Variants in SORCS2 observed in about 807,000 individuals in gnomAD.
SORCS2 encodes sortilin related VPS10 domain containing receptor 2.
Under a neutral mutation model 141.6 loss-of-function variants are expected in SORCS2, and 100 were observed. The observed-to-expected ratio is 0.71, with a 90% CI of 0.60 to 0.83. SORCS2 has a LOEUF of 0.83. Ranked by LOEUF, SORCS2 falls within the 40% of genes least tolerant of loss-of-function variation. The pLI, the probability that SORCS2 is intolerant of heterozygous loss-of-function variation, is 0.00. For missense variants in SORCS2, 1,646 were observed against 1,560.2 expected, an observed-to-expected ratio of 1.05 and a Z score of -0.93; for synonymous variants, 789 against 676.9, an observed-to-expected ratio of 1.17 and a Z score of -2.57.
At chr4:7,578,530 A>C (rs796936421) in intron 3 of SORCS2, among the ~76,000 whole-genome samples, 9 of 152,360 alleles carry the variant, frequency 5.9e-5, no homozygotes, top group African/African-American at 2.2e-4. Context: ...TTGTCCTGCT[A>C]AGCCTGAGCC....
intron 3 of SORCS2, among the ~76,000 whole-genome samples, chr4:7,619,855 G>A (rs1174129900): frequency 6.6e-6 from 1 of 152,174 alleles, no homozygotes; most frequent in African/African-American, 2.4e-5. Flanking sequence ...GTGTTCATGC[G>A]TGTGTGACGT....
chr4:7,310,957 G>T (rs951262761), intron 1 of SORCS2, among the ~76,000 whole-genome samples: 2 of 152,138 alleles, frequency 1.3e-5, no homozygotes, highest in African/African-American at 4.8e-5. Context: ...AATAAATCAC[G>T]CAGATTCAAA....
chr4:7,485,493 A>G (rs115018287), intron 2 of SORCS2, among the ~76,000 whole-genome samples: 1,713 of 152,314 alleles, frequency 0.011, 9 homozygotes, highest in Non-Finnish European at 0.017. Context: ...GCCGGGCCTC[A>G]TGTCTGCCTT....
intron 2 of SORCS2, among the ~76,000 whole-genome samples, chr4:7,459,327 C>T (rs1729138139): frequency 1.3e-5 from 2 of 152,150 alleles, no homozygotes; most frequent in African/African-American, 4.8e-5. Context: ...AAGCATATGG[C>T]AGGCCTTGTA....
At chr4:7,467,749 G>A (rs1418195405) in intron 2 of SORCS2, among the ~76,000 whole-genome samples, 1 of 152,216 alleles carries the variant, frequency 6.6e-6, no homozygotes, top group Non-Finnish European at 1.5e-5. Flanking sequence ...GCCACAAAAT[G>A]AGGGGCTGCA....
chr4:7,338,170 TG>T (rs56089742), intron 1 of SORCS2, among the ~76,000 whole-genome samples: 1 of 122,514 alleles, frequency 8.2e-6, no homozygotes, highest in Non-Finnish European at 1.7e-5. Context: ...GTTGGATGGA[TG>T]GATGGATGGA....
intron 1 of SORCS2, among the ~76,000 whole-genome samples, chr4:7,371,103 A>C (rs1722217767): frequency 6.6e-6 from 1 of 152,212 alleles, no homozygotes; most frequent in East Asian, 1.9e-4. Flanking sequence ...TGTAGAGTGA[A>C]GGGAGCACTT....
intron 1 of SORCS2, among the ~76,000 whole-genome samples, chr4:7,392,577 G>C (rs1034844222): frequency 6.6e-6 from 1 of 152,144 alleles, no homozygotes; most frequent in South Asian, 2.1e-4. Flanking sequence ...GGCAGCCTCA[G>C]GGGCGGGCAG....
At chr4:7,196,480 C>T (rs964643283) in intron 1 of SORCS2, among the ~76,000 whole-genome samples, 2 of 152,176 alleles carry the variant, frequency 1.3e-5, no homozygotes, top group African/African-American at 4.8e-5. Context: ...TGGGCTCCTT[C>T]CCACAAGGCA....
chr4:7,206,668 G>A (rs934366314), intron 1 of SORCS2, among the ~76,000 whole-genome samples: 3 of 152,160 alleles, frequency 2.0e-5, no homozygotes, highest in African/African-American at 4.8e-5. Context: ...ACTCATGGTC[G>A]TGGCTGTGCA....
chr4:7,621,308 G>A (rs1225142980), intron 3 of SORCS2, among the ~76,000 whole-genome samples: 1 of 152,188 alleles, frequency 6.6e-6, no homozygotes, highest in Non-Finnish European at 1.5e-5. Flanking sequence ...ACAAATGTGT[G>A]TGTCTGTGTA....
At chr4:7,362,486 C>G (rs1721636238) in intron 1 of SORCS2, among the ~76,000 whole-genome samples, 1 of 152,160 alleles carries the variant, frequency 6.6e-6, no homozygotes, top group Non-Finnish European at 1.5e-5. Flanking sequence ...GCTAGGCACT[C>G]ACTGAGCTGG....
chr4:7,632,251 T>C (rs1428989771), intron 3 of SORCS2, among the ~76,000 whole-genome samples: 1 of 146,378 alleles, frequency 6.8e-6, no homozygotes, highest in East Asian at 1.9e-4. Context: ...GTCAAGCATT[T>C]CTCTTTACCA....
chr4:7,269,244 C>T (rs1714950334), intron 1 of SORCS2, among the ~76,000 whole-genome samples: 1 of 152,186 alleles, frequency 6.6e-6, no homozygotes, highest in Non-Finnish European at 1.5e-5. Context: ...ATGGCACTGT[C>T]ATTCTCTGGA....
intron 2 of SORCS2, among the ~76,000 whole-genome samples, chr4:7,491,019 G>A (rs890225739): frequency 1.3e-4 from 20 of 152,248 alleles, no homozygotes; most frequent in Admixed American, 7.8e-4. Context: ...CTGCCCTGCC[G>A]CCCTTCCTGT....
chr4:7,361,833 G>T (rs1721600092), intron 1 of SORCS2, among the ~76,000 whole-genome samples: 1 of 149,292 alleles, frequency 6.7e-6, no homozygotes, highest in Non-Finnish European at 1.5e-5. Context: ...AGCCTCCAGG[G>T]TCTCCAGGTG....
chr4:7,558,331 A>G (rs1175090384), intron 3 of SORCS2, among the ~76,000 whole-genome samples: 1 of 152,134 alleles, frequency 6.6e-6, no homozygotes, highest in Non-Finnish European at 1.5e-5. Flanking sequence ...GCCTTGGCCC[A>G]CTAGATGCCA....
At position 7,638,644 on chromosome 4, in the gene SORCS2, C is replaced by T. The variant is rs985350330; in HGVS notation, c.813+152C>T. ...GGGGCTGGGGGCCGGGATGCTGGAC[C>T]CCGTCATCGCCCTCTCCTTGGTGCC... is the stretch of plus-strand genomic sequence containing the variant. On this transcript the variant is annotated intron_variant, in intron 4 of 26. Transcript: ENST00000507866. 3.9e-5 allele frequency among the ~76,000 whole-genome samples: 6 copies of T among 152,020 alleles called. No individual in the cohort carries two copies. In the East Asian group the frequency reaches 1.2e-3, roughly 30 times the overall value.
At chr4:7,535,337 G>T (rs936730538) in intron 3 of SORCS2, among the ~76,000 whole-genome samples, 3 of 152,222 alleles carry the variant, frequency 2.0e-5, no homozygotes, top group Non-Finnish European at 2.9e-5. Flanking sequence ...GCGGGGCCAG[G>T]AGTGCAGCGG....
Sources: gnomAD v4.1 joint callset for allele counts (sites outside exome capture counted in the v4.1 genomes callset) on GRCh38, gnomAD v4.1.1 for gene constraint, MANE v1.5 for transcripts, NCBI Gene and HGNC (gene_info 2026-07-23, HGNC 2026-07-21) for gene names.